Variants in RIMBP2 observed in about 807,000 individuals in gnomAD.
RIMBP2 encodes RIMS binding protein 2, also known as RIMS-binding protein 2.
A neutral mutation model predicts 118.6 loss-of-function variants in RIMBP2; 48 were observed. The ratio of observed to expected loss-of-function variants is 0.40; its 90% CI spans 0.32 to 0.51. RIMBP2 has a LOEUF of 0.51. RIMBP2 is among the 20% of genes least tolerant of loss of function. RIMBP2 has a pLI of 0.41. For synonymous variants in RIMBP2, 762 were observed against 742.9 expected, an observed-to-expected ratio of 1.03 and a Z score of -0.42; for missense variants, 1,551 against 1,768.3, an observed-to-expected ratio of 0.88 and a Z score of 2.20.
intron 1 of RIMBP2, among the ~76,000 whole-genome samples, chr12:130,649,362 G>A (rs902269722): frequency 2.6e-5 from 4 of 152,212 alleles, no homozygotes; most frequent in African/African-American, 7.2e-5. Context: ...CCCTCCCTCC[G>A]TGGCCGCCCA....
chr12:130,713,139 G>GAT (rs1950040112), intron 1 of RIMBP2, among the ~76,000 whole-genome samples: 1 of 141,002 alleles, frequency 7.1e-6, no homozygotes. Context: ...GAAGGGGACA[G>GAT]AGACTGAAAG....
intron 4 of RIMBP2, among the ~76,000 whole-genome samples, chr12:130,490,361 A>C (rs2048525224): frequency 6.6e-6 from 1 of 152,164 alleles, no homozygotes; most frequent in Admixed American, 6.5e-5. Context: ...TTGTTTACTT[A>C]TCTACAATTT....
chr12:130,612,032 G>A (rs532171914), intron 2 of RIMBP2, among the ~76,000 whole-genome samples: 17 of 152,294 alleles, frequency 1.1e-4, no homozygotes, highest in South Asian at 2.1e-4. Context: ...TGAAGAGCCC[G>A]CAGGGCCTGC....
chr12:130,504,328 CCCT>C (rs2050098314), intron 4 of RIMBP2, among the ~76,000 whole-genome samples: 1 of 152,126 alleles, frequency 6.6e-6, no homozygotes, highest in Non-Finnish European at 1.5e-5. Context: ...ATCCTGCACC[CCCT>C]GACTCCTCCC....
chr12:130,670,987 T>C lies in RIMBP2; in HGVS notation c.-351-42531A>G, dbSNP rs1341699640. The stretch of plus-strand genomic sequence containing the variant: ...GTTGGCCAGGCTGGTCTCAAACTCC[T>C]GACTTCAGGTGATCTGCCTGCCTTG... On this transcript the variant is annotated intron_variant, in intron 1 of 22. Transcript: ENST00000690449. This position sits in a 1 kb window ranked among gnomAD's most constrained non-coding sequence, Gnocchi z 4.9. 6.6e-6 allele frequency among the ~76,000 whole-genome samples: 1 copy of C among 152,160 alleles called. No individual in the cohort carries two copies. Among genetic ancestry groups the C allele is most frequent in the Non-Finnish European group, 1.5e-5 (1 of 68,016 alleles).
intron 2 of RIMBP2, among the ~76,000 whole-genome samples, chr12:130,526,125 T>G (rs10848125): frequency 9.9e-5 from 15 of 151,918 alleles, no homozygotes; most frequent in African/African-American, 3.4e-4. Flanking sequence ...GCCTGGGGTA[T>G]CTTCCCTTGC....
intron 2 of RIMBP2, among the ~76,000 whole-genome samples, chr12:130,543,122 G>A (rs1037958997): frequency 2.0e-5 from 3 of 152,180 alleles, no homozygotes; most frequent in Non-Finnish European, 2.9e-5. Flanking sequence ...AGGCTGTCAG[G>A]CTAAACGCCT....
intron 1 of RIMBP2, among the ~76,000 whole-genome samples, chr12:130,633,537 C>G (rs2062136158): frequency 6.6e-6 from 1 of 152,110 alleles, no homozygotes; most frequent in African/African-American, 2.4e-5. Context: ...CTTTTCTAGC[C>G]TGATACAAGG....
intron 1 of RIMBP2, among the ~76,000 whole-genome samples, chr12:130,633,037 A>G (rs1002576895): frequency 2.0e-5 from 3 of 152,206 alleles, no homozygotes; most frequent in Admixed American, 2.0e-4. Flanking sequence ...TGTTAGGCAT[A>G]GACGCAGTTC....
intron 2 of RIMBP2, among the ~76,000 whole-genome samples, chr12:130,545,480 G>T (rs1053061788): frequency 6.6e-6 from 1 of 152,074 alleles, no homozygotes; most frequent in Non-Finnish European, 1.5e-5. Flanking sequence ...AATATTTAAG[G>T]TTTATTAGGT....
chr12:130,527,024 A>G (rs2052865285), intron 2 of RIMBP2, among the ~76,000 whole-genome samples: 1 of 152,068 alleles, frequency 6.6e-6, no homozygotes, highest in African/African-American at 2.4e-5. Context: ...CAGGGTCCTG[A>G]TGGTCACTGA....
chr12:130,487,280 C>A (rs12809712), intron 4 of RIMBP2, among the ~76,000 whole-genome samples: 2 of 152,106 alleles, frequency 1.3e-5, no homozygotes, highest in Admixed American at 6.5e-5. Flanking sequence ...TGAAATGTGA[C>A]CCCTGTGTTG....
In RIMBP2 at chr12:130,663,455, T is replaced by C. The variant is rs187550636; in HGVS notation, c.-351-34999A>G. ...TTTATTTCTTAAAATTGCCTTTTTT[T>C]CCACTGAAAACAGGAAGAAACACAA... On this transcript the variant is annotated intron_variant, in intron 1 of 22. Transcript: ENST00000690449. Among the ~76,000 whole-genome samples the C allele has an allele frequency of 2.8e-3, 411 of 148,514 alleles. 19 individuals are homozygous for C. The highest frequency in any genetic ancestry group is 9.4e-3 in the African/African-American group (359 of 37,992).
intron 1 of RIMBP2, among the ~76,000 whole-genome samples, chr12:130,712,127 G>A (rs557136483): frequency 5.8e-4 from 89 of 152,350 alleles, no homozygotes; most frequent in African/African-American, 2.1e-3. Flanking sequence ...AGTGAGTGAG[G>A]AGTGGACGTG....
chr12:130,519,016 T>C (rs1258003714), intron 2 of RIMBP2, among the ~76,000 whole-genome samples: 5 of 152,198 alleles, frequency 3.3e-5, no homozygotes, highest in African/African-American at 1.2e-4. Flanking sequence ...TGACTCACAG[T>C]GGAAGGCAGC....
At chr12:130,669,854 A>T (rs975480557) in intron 1 of RIMBP2, among the ~76,000 whole-genome samples, 1 of 152,112 alleles carries the variant, frequency 6.6e-6, no homozygotes, top group Non-Finnish European at 1.5e-5. Flanking sequence ...AGTAACAAGC[A>T]CCGTCTTCAA....
chr12:130,622,796 A>T lies in RIMBP2; in HGVS notation c.-217+5526T>A, dbSNP rs1235679029. ...ATGCCTCCACTAGGCTGATAGTCGC[A>T]AAATTCTCCACAAAAGGCATAGAAG... On this transcript the variant is annotated intron_variant, in intron 2 of 22. Coordinates refer to ENST00000690449, the MANE Select transcript of RIMBP2 (RefSeq NM_001393629.1). The surrounding 1 kb of genome is among the most constrained non-coding windows in gnomAD (Gnocchi z 8.5). 6.6e-6 allele frequency among the ~76,000 whole-genome samples: 1 copy of T among 152,238 alleles called. No homozygotes were observed. Among genetic ancestry groups the T allele is most frequent in the Non-Finnish European group, 1.5e-5 (1 of 68,034 alleles).
chr12:130,535,255 T>C (rs1226129602), intron 2 of RIMBP2, among the ~76,000 whole-genome samples: 2 of 152,058 alleles, frequency 1.3e-5, no homozygotes, highest in Non-Finnish European at 2.9e-5. Flanking sequence ...TCCCAGTGCT[T>C]TGGGAGTCCG....
At chr12:130,653,659 G>A (rs537009965) in intron 1 of RIMBP2, among the ~76,000 whole-genome samples, 1 of 152,210 alleles carries the variant, frequency 6.6e-6, no homozygotes, top group Non-Finnish European at 1.5e-5. Context: ...CTTTTCTGTG[G>A]GGGCTCCACC....
Sources: allele counts gnomAD v4.1 joint callset (sites outside exome capture counted in the v4.1 genomes callset), GRCh38; gene constraint gnomAD v4.1.1; non-coding constraint Gnocchi (gnomAD v3.1); transcripts MANE v1.5; gene names NCBI Gene and HGNC (gene_info 2026-07-23, HGNC 2026-07-21).